Variants in DGKI observed in about 807,000 individuals in gnomAD.
DGKI encodes the protein diacylglycerol kinase iota, also known as DAG kinase iota.
DGKI carries 55 observed loss-of-function variants against 147.5 expected under a neutral mutation model. That is an observed-to-expected ratio of 0.37 (90% confidence interval 0.30 to 0.47). The LOEUF (loss-of-function observed/expected upper bound fraction) is 0.47, where lower values mean the gene tolerates loss of function less well. DGKI is among the 20% of genes least tolerant of loss of function. The pLI is 1.00. For synonymous variants in DGKI, 469 were observed against 477.1 expected (o/e 0.98, Z 0.22); for missense variants, 1,007 against 1,323.8 (o/e 0.76, Z 3.71).
At position 137,390,896 on chromosome 7, in the gene DGKI, G is replaced by A. The variant is rs1356397699; in HGVS notation, c.*324C>T. ...GAGGATGGAGCAGTGCCATTTATAC[G>A]AACATCCTTTGAATCTTTAAAATAA... is the stretch of plus-strand genomic sequence containing the variant. On this transcript the variant is annotated 3_prime_UTR_variant, in exon 33 of 33. Coordinates refer to ENST00000614521, the MANE Select transcript of DGKI (RefSeq NM_001321708.2). The A allele has an allele frequency of 1.3e-5, 4 of 303,698 alleles. No homozygotes were observed. Among genetic ancestry groups the A allele is most frequent in the Non-Finnish European group, 2.5e-5 (4 of 160,918 alleles). 18.8% of individuals were successfully genotyped at this position (303,698 alleles called of 1,614,324 possible).
intron 21 of DGKI, among the ~76,000 whole-genome samples, chr7:137,496,666 C>A (rs1173701767): frequency 1.3e-5 from 2 of 152,042 alleles, no homozygotes; most frequent in Non-Finnish European, 2.9e-5. Context: ...ACCATATGAT[C>A]TTCAACAAAG....
In DGKI at chr7:137,389,219, G is replaced by A. The variant is rs1585066802; in HGVS notation, c.*2001C>T. On this transcript the variant is annotated 3_prime_UTR_variant, in exon 33 of 33. Transcript: ENST00000614521. The stretch of plus-strand genomic sequence containing the variant: ...CTGGAGCATATTTTTCCAGCTTCTG[G>A]AAACAATCTGCTGCAGTGTCTCCTG... The A allele has an allele frequency of 6.6e-6, 1 of 152,100 alleles. No homozygotes were observed. The highest frequency in any genetic ancestry group is 1.9e-4 in the East Asian group (1 of 5,184). The allele number at this position is 152,100 out of a possible 1,614,324, so 9.4% of individuals were successfully genotyped here.
intron 21 of DGKI, among the ~76,000 whole-genome samples, chr7:137,488,532 T>G (rs914505299): frequency 3.3e-5 from 5 of 152,094 alleles, no homozygotes; most frequent in African/African-American, 4.8e-5. Flanking sequence ...AAAAAAAATC[T>G]ACAAATTTCT....
chr7:137,599,071 A>G (rs916084015), intron 11 of DGKI, among the ~76,000 whole-genome samples: 104 of 152,330 alleles, frequency 6.8e-4, no homozygotes, highest in African/African-American at 2.5e-3. Context: ...ACTTATTAAA[A>G]AATAAGTGGT....
intron 1 of DGKI, among the ~76,000 whole-genome samples, chr7:137,744,949 A>G (rs930557881): frequency 6.6e-6 from 1 of 152,182 alleles, no homozygotes; most frequent in African/African-American, 2.4e-5. Flanking sequence ...TGAATGTGCA[A>G]AAGTTGGAAG....
In DGKI at chr7:137,804,420, G is replaced by A. The variant is rs371960804; in HGVS notation, c.401+42042C>T. Among the ~76,000 whole-genome samples the A allele has an allele frequency of 6.6e-4, 101 of 152,234 alleles. 1 individual carries two copies. The highest frequency in any genetic ancestry group is 2.3e-3 in the African/African-American group (96 of 41,534). ...TATTGGCTCGATGCCCTGTTCATTCGTCAGAAGAGAAGTCCTTCACTCATT... is the reference window on the plus strand; with the variant it reads ...TATTGGCTCGATGCCCTGTTCATTCATCAGAAGAGAAGTCCTTCACTCATT... On this transcript the variant is annotated intron_variant, in intron 1 of 32. Transcript: ENST00000614521.
chr7:137,825,673 C>CACACACACACAT (rs562617765), intron 1 of DGKI, among the ~76,000 whole-genome samples: 2 of 151,512 alleles, frequency 1.3e-5, no homozygotes, highest in East Asian at 1.9e-4. Context: ...TACACACACT[C>CACACACACACAT]ACACACACAC....
intron 21 of DGKI, among the ~76,000 whole-genome samples, chr7:137,496,292 G>T (rs530500756): frequency 6.6e-6 from 1 of 151,980 alleles, no homozygotes; most frequent in African/African-American, 2.4e-5. Context: ...ACAAAACACT[G>T]CTCAAAGAAA....
At chr7:137,428,698 G>A (rs1348148053) in intron 28 of DGKI, among the ~76,000 whole-genome samples, 2 of 152,070 alleles carry the variant, frequency 1.3e-5, no homozygotes, top group African/African-American at 2.4e-5. Context: ...AGCAACTTCA[G>A]CAAAGTCTCA....
At chr7:137,395,826 G>T in intron 31 of DGKI, 129 bp from the exon 32 acceptor site, 1 of 713,426 alleles carries the variant, frequency 1.4e-6, no homozygotes. Context: ...TGGCTGTAGG[G>T]TACATTCTGG....
intron 21 of DGKI, among the ~76,000 whole-genome samples, chr7:137,508,670 A>C (rs530634282): frequency 2.3e-4 from 35 of 152,214 alleles, no homozygotes; most frequent in South Asian, 1.0e-3. Context: ...TTTACAACCC[A>C]GGAATGTCTT....
At chr7:137,683,596 G>C (rs1823314875) in intron 2 of DGKI, among the ~76,000 whole-genome samples, 1 of 152,066 alleles carries the variant, frequency 6.6e-6, no homozygotes, top group South Asian at 2.1e-4. Flanking sequence ...CCACGTTTTT[G>C]TTCATTCTAC....
At chr7:137,691,809 T>TTTTTTTTTTTTGTTTTG (rs1823620885) in intron 1 of DGKI, among the ~76,000 whole-genome samples, 2 of 141,012 alleles carry the variant, frequency 1.4e-5, no homozygotes, top group Admixed American at 1.4e-4. Flanking sequence ...TTTTTTTTTT[T>TTTTTTTTTTTTGTTTTG]TTTTTTTTTT....
At chr7:137,462,531 C>A (rs970445368) in intron 27 of DGKI, among the ~76,000 whole-genome samples, 5 of 152,178 alleles carry the variant, frequency 3.3e-5, no homozygotes, top group African/African-American at 1.2e-4. Flanking sequence ...CTCCAAATTT[C>A]TCATTTTTTT....
intron 14 of DGKI, among the ~76,000 whole-genome samples, chr7:137,582,963 T>C (rs1258284827): frequency 2.0e-5 from 3 of 152,170 alleles, no homozygotes; most frequent in Admixed American, 1.3e-4. Flanking sequence ...CTCTGAGAGA[T>C]AAGTGTTTTA....
chr7:137,766,133 C>T (rs1209335566), intron 1 of DGKI, among the ~76,000 whole-genome samples: 1 of 152,072 alleles, frequency 6.6e-6, no homozygotes, highest in Non-Finnish European at 1.5e-5. Flanking sequence ...ACTTACGATC[C>T]TAAGAGGAAA....
At chr7:137,550,065 T>C (rs1817992807) in intron 20 of DGKI, among the ~76,000 whole-genome samples, 1 of 152,180 alleles carries the variant, frequency 6.6e-6, no homozygotes, top group Non-Finnish European at 1.5e-5. Flanking sequence ...TTCCCATTTC[T>C]CATAAGTCTT....
chr7:137,779,564 G>A (rs1796457931), intron 1 of DGKI, among the ~76,000 whole-genome samples: 1 of 152,096 alleles, frequency 6.6e-6, no homozygotes, highest in Non-Finnish European at 1.5e-5. Context: ...CCATGAATCT[G>A]ATAATCGATT....
At chr7:137,473,644 A>C (rs1174119071) in intron 23 of DGKI, among the ~76,000 whole-genome samples, 3 of 152,156 alleles carry the variant, frequency 2.0e-5, no homozygotes, top group Non-Finnish European at 4.4e-5. Context: ...CCAAAACAAC[A>C]AACAACAAAA....
Sources: gnomAD v4.1 joint callset for allele counts (sites outside exome capture counted in the v4.1 genomes callset) on GRCh38, gnomAD v4.1.1 for gene constraint, MANE v1.5 for transcripts, NCBI Gene and HGNC (gene_info 2026-07-23, HGNC 2026-07-21) for gene names.